The following PPL variants were observed in gnomAD, a reference collection of about 807,000 sequenced individuals.
PPL encodes the protein periplakin.
PPL carries 198 observed loss-of-function variants against 194.4 expected under a neutral mutation model. That is an observed-to-expected ratio of 1.02 (90% CI 0.91 to 1.15). The LOEUF (loss-of-function observed/expected upper bound fraction) is 1.15, where lower values mean the gene tolerates loss of function less well. Among genes scored for constraint, PPL ranks in the 50% most tolerant of loss-of-function variants. The probability of loss-of-function intolerance (pLI) is 0.00; values close to 1 mark genes in which losing one functional copy is unlikely to be tolerated. For missense variants in PPL, 2,885 were observed against 2,294.8 expected (o/e 1.26, Z -5.25); for synonymous variants, 1,220 against 972.4 (o/e 1.25, Z -4.74).
rs2088196690 is a variant in PPL at position 4,885,337 on chromosome 16, G to A, written c.3318C>T (p.Ala1106=). The change falls in exon 22 of 22, where the codon GCC becomes GCT. Residue 1106 remains alanine, a synonymous_variant. Transcript: ENST00000345988. The surrounding 1 kb of genome is among the most constrained non-coding windows in gnomAD (Gnocchi z 6.3). ...DKLKRLEKER[A]MAEGKITVKE... The stretch of plus-strand genomic sequence containing the variant: ...TGACGGTGATCTTGCCCTCGGCCAT[G>A]GCCCGCTCCTTCTCTAGCCTCTTGA... The A allele has an allele frequency of 3.1e-6, 5 of 1,612,466 alleles. No individual in the cohort carries two copies. Among genetic ancestry groups the A allele is most frequent in the Non-Finnish European group, 4.2e-6 (5 of 1,179,940 alleles).
At position 4,885,310 on chromosome 16, in the gene PPL, C is replaced by A; in HGVS notation, c.3345G>T (p.Lys1115Asn). The A allele has an allele frequency of 6.2e-7, 1 of 1,612,660 alleles. No homozygotes were observed. ...CGTCCTTCTCCACCTTGAGCACCTC[C>A]TTGACGGTGATCTTGCCCTCGGCCA... Reference protein sequence around the residue: ...RAMAEGKITVKEVLKVEKDAA... With the variant: ...RAMAEGKITVNEVLKVEKDAA... Residue 1115 changes from lysine to asparagine, a missense_variant, in exon 22 of 22, where the codon AAG (lysine) becomes AAT (asparagine). By Grantham distance (94) the Lys-to-Asn change is moderately conservative. Transcript: ENST00000345988. The surrounding 1 kb of genome is among the most constrained non-coding windows in gnomAD (Gnocchi z 6.3).
intron 1 of PPL, among the ~76,000 whole-genome samples, chr16:4,922,633 G>T (rs935571925): frequency 6.6e-6 from 1 of 152,128 alleles, no homozygotes; most frequent in Non-Finnish European, 1.5e-5. Flanking sequence ...CTGCACTCCA[G>T]CCTGGGTGAC....
At chr16:4,890,086 T>C in intron 18 of PPL, 98 bp downstream of exon 18, 1 of 1,572,352 alleles carries the variant, frequency 6.4e-7, no homozygotes, top group Non-Finnish European at 8.7e-7. Context: ...TCTGCCCTGC[T>C]CCACCTCCCA....
rs979496548 is a variant in PPL at position 4,890,250 on chromosome 16, G to T, written c.2247C>A (p.Ile749=). The change falls in exon 18 of 22, where the codon ATC becomes ATA. Residue 749 remains isoleucine (I), a synonymous_variant. Transcript: ENST00000345988. Reference sequence around the variant, plus strand: ...CTGTCTCCTGGGGCTCGTAACTGGGGATGCTGACTAGGAACTGCAGCACGT... The same window carrying T: ...CTGTCTCCTGGGGCTCGTAACTGGGTATGCTGACTAGGAACTGCAGCACGT... ...HDHVLQFLVS[I]PSYEPQETDS... The T allele has an allele frequency of 6.2e-7, 1 of 1,614,228 alleles. No homozygotes were observed.
rs952851099 is a variant in PPL at position 4,890,878 on chromosome 16, T to A, written c.2012A>T (p.Glu671Val). 1 of 1,546,772 alleles carries A rather than the reference T, an allele frequency of 6.5e-7. No individual in the cohort carries two copies. Among genetic ancestry groups the A allele is most frequent in the Non-Finnish European group, 8.8e-7 (1 of 1,142,534 alleles). Residue 671 changes from glutamate (E) to valine (V), a missense_variant, in exon 17 of 22, where the codon GAG (glutamate) becomes GTG (valine). By Grantham distance (121) the Glu-to-Val change is moderately radical. Coordinates refer to ENST00000345988, the MANE Select transcript of PPL (RefSeq NM_002705.5). ...GGCCGCCTGCAAGTTCTGCTCCACC[T>A]CACCCAGGAGGGACTTCTGGGCCTG... ...ELQAQKSLLG[E>V]VEQNLQAAKQ...
At position 4,897,657 on chromosome 16, in the gene PPL, C is replaced by T. The variant is rs764826814; in HGVS notation, c.972+18G>A. 1.2e-6 allele frequency: 2 copies of T among 1,605,032 alleles called. No homozygotes were observed. Among genetic ancestry groups the T allele is most frequent in the Non-Finnish European group, 8.5e-7 (1 of 1,172,902 alleles). The stretch of plus-strand genomic sequence containing the variant: ...TAGCACCCCCGGTGCTGGGGGGACT[C>T]CCAGGAAAGGTAAGTACCTGGTGGT... On this transcript the variant is annotated intron_variant, in intron 9 of 21. Coordinates refer to ENST00000345988, the MANE Select transcript of PPL (RefSeq NM_002705.5).
At chr16:4,926,749 G>A (rs1288154642) in intron 1 of PPL, among the ~76,000 whole-genome samples, 1 of 151,924 alleles carries the variant, frequency 6.6e-6, no homozygotes, top group Non-Finnish European at 1.5e-5. Context: ...CGTGGTGGCA[G>A]GCGTCTGTAG....
At chr16:4,895,986 A>G (rs13338776) in intron 9 of PPL, among the ~76,000 whole-genome samples, 14,879 of 152,252 alleles carry the variant, frequency 0.098, 934 homozygotes, top group African/African-American at 0.18. Flanking sequence ...TCTTGGATGT[A>G]TCAGTAAGTC....
Position 4,936,999 on chromosome 16 carries a change from G to A in PPL, c.47C>T (p.Thr16Ile). The A allele has an allele frequency of 1.3e-6, 2 of 1,565,682 alleles. No homozygotes were observed. Among genetic ancestry groups the A allele is most frequent in the South Asian group, 1.2e-5 (1 of 86,622 alleles). ...RKRNKGKYSP[T>I]VQTRSISNKE... ...GCCTCCTCACCTCCGGGTCTGCACAGTGGGGCTGTATTTGCCTTTGTTTCT... is the reference window on the plus strand; with the variant it reads ...GCCTCCTCACCTCCGGGTCTGCACAATGGGGCTGTATTTGCCTTTGTTTCT... The change falls in exon 1 of 22, where the codon ACT becomes ATT. Residue 16 changes from threonine to isoleucine, a missense_variant. Thr to Ile is a moderately conservative substitution (Grantham distance 89). Transcript: ENST00000345988.
intron 16 of PPL, chr16:4,891,396 G>A (rs2660243): frequency 0.26 from 43,625 of 165,406 alleles, 6,410 homozygotes; most frequent in South Asian, 0.45. Context: ...GCTCTGCTCA[G>A]CAAGAGATAC....
intron 1 of PPL, among the ~76,000 whole-genome samples, chr16:4,921,958 G>A (rs1359368440): frequency 6.6e-6 from 1 of 151,870 alleles, no homozygotes; most frequent in Non-Finnish European, 1.5e-5. Flanking sequence ...CCCTGGCCTT[G>A]ACACACCACC....
At chr16:4,890,632 C>CT in intron 17 of PPL, 96 bp downstream of exon 17, 1 of 1,415,306 alleles carries the variant, frequency 7.1e-7, no homozygotes. Flanking sequence ...AAAAGAAAAA[C>CT]AGCAAAATCT....
intron 6 of PPL, 96 bp downstream of exon 6, chr16:4,900,734 A>C: frequency 6.5e-7 from 1 of 1,534,788 alleles, no homozygotes; most frequent in Admixed American, 1.7e-5. Flanking sequence ...CCAGCTGCCT[A>C]TGTCATTTTT....
intron 16 of PPL, chr16:4,891,515 C>T: frequency 7.0e-6 from 2 of 287,298 alleles, no homozygotes; most frequent in Non-Finnish European, 6.4e-6. Context: ...CTCCAAGGCT[C>T]AAGCAATCCT....
chr16:4,891,872 T>C lies in PPL; in HGVS notation c.1907A>G (p.Asn636Ser), dbSNP rs745403964. ...ELLATHENHL[N>S]QDDTVPESSR... ...GCTCTCAGGCACTGTGTCATCCTGA[T>C]TCAGATGGTTCTCGTGTGTGGCCAG... The change falls in exon 16 of 22, where the codon AAT becomes AGT. Residue 636 changes from asparagine (N) to serine (S), a missense_variant. By Grantham distance (46) the Asn-to-Ser change is conservative. Transcript: ENST00000345988. The C allele has an allele frequency of 2.5e-6, 4 of 1,613,612 alleles. No homozygotes were observed. The highest frequency in any genetic ancestry group is 3.4e-6 in the Non-Finnish European group (4 of 1,180,012).
chr16:4,912,247 C>T (rs2088833751), intron 1 of PPL, among the ~76,000 whole-genome samples: 1 of 152,254 alleles, frequency 6.6e-6, no homozygotes, highest in Non-Finnish European at 1.5e-5. Flanking sequence ...CAGGAATTTA[C>T]TTTTTCTCTC....
At chr16:4,929,044 G>A (rs986154273) in intron 1 of PPL, among the ~76,000 whole-genome samples, 17 of 114,472 alleles carry the variant, frequency 1.5e-4, no homozygotes, top group East Asian at 6.7e-4. Context: ...AAAAAAAAAA[G>A]ATCTGCCGAG....
At position 4,902,792 on chromosome 16, in the gene PPL, C is replaced by G. The variant is rs2088603160; in HGVS notation, c.318-266G>C. On this transcript the variant is annotated intron_variant, in intron 3 of 21. Transcript: ENST00000345988. This position sits in a 1 kb window ranked among gnomAD's most constrained non-coding sequence, Gnocchi z 4.0. ...GCAGCCTCCGCCTCCCAGGTTCAAG[C>G]AATTCTCCTGCCTCAACCTCCCGAG... Among the ~76,000 whole-genome samples, 1 of 152,034 alleles carries G rather than the reference C, an allele frequency of 6.6e-6. No homozygotes were observed. The highest frequency in any genetic ancestry group is 2.4e-5 in the African/African-American group (1 of 41,390).
intron 17 of PPL, 25 bp downstream of exon 17, chr16:4,890,703 T>C (rs1432809264): frequency 6.4e-7 from 1 of 1,572,964 alleles, no homozygotes. Flanking sequence ...AAAACAAAAA[T>C]GGCCACCACC....
Sources: gnomAD v4.1 joint callset for allele counts (sites outside exome capture counted in the v4.1 genomes callset) on GRCh38, gnomAD v4.1.1 for gene constraint, Gnocchi (gnomAD v3.1) non-coding constraint, MANE v1.5 for transcripts, NCBI Gene and HGNC (gene_info 2026-07-23, HGNC 2026-07-21) for gene names.